The following PTPRG variants were observed in gnomAD, a reference collection of about 807,000 sequenced individuals.
PTPRG encodes the protein receptor-type tyrosine-protein phosphatase gamma.
Under a neutral mutation model 165.3 loss-of-function variants are expected in PTPRG, and 102 were observed. The ratio of observed to expected loss-of-function variants is 0.62; its 90% CI spans 0.53 to 0.73. PTPRG has a LOEUF of 0.73. Among genes scored for constraint, PTPRG ranks in the 30% least tolerant of loss-of-function variants. The pLI, the probability that PTPRG is intolerant of heterozygous loss-of-function variation, is 0.00. For missense variants in PTPRG, 1,866 were observed against 1,861.4 expected (o/e 1.00, Z -0.05); for synonymous variants, 675 against 669.5 (o/e 1.01, Z -0.13).
chr3:62,264,704 C>A (rs1701808529), intron 17 of PTPRG, among the ~76,000 whole-genome samples: 1 of 152,134 alleles, frequency 6.6e-6, no homozygotes, highest in Non-Finnish European at 1.5e-5. Context: ...ATTTGATGGA[C>A]ATTGTTTCTT....
intron 4 of PTPRG, among the ~76,000 whole-genome samples, chr3:62,008,943 T>A (rs2041357384): frequency 6.6e-6 from 1 of 152,196 alleles, no homozygotes. Flanking sequence ...TTGGAGCCCA[T>A]GTGCCATGTA....
intron 4 of PTPRG, among the ~76,000 whole-genome samples, chr3:62,066,748 G>T (rs1427453042): frequency 1.3e-5 from 2 of 152,100 alleles, no homozygotes; most frequent in Admixed American, 1.3e-4. Flanking sequence ...ATGGACAAAA[G>T]TGCTCTCCTG....
chr3:62,069,721 C>CACACAG (rs1701149141), intron 4 of PTPRG, among the ~76,000 whole-genome samples: 1 of 148,702 alleles, frequency 6.7e-6, no homozygotes, highest in African/African-American at 2.5e-5. Context: ...CACACATGCA[C>CACACAG]GCACAGAGTA....
chr3:61,679,532 C>A (rs1197335674), intron 1 of PTPRG, among the ~76,000 whole-genome samples: 1 of 152,118 alleles, frequency 6.6e-6, no homozygotes, highest in Non-Finnish European at 1.5e-5. Flanking sequence ...CGTCTGTAAT[C>A]CCAGCACTTT....
At chr3:61,984,083 T>G (rs2040702353) in intron 2 of PTPRG, among the ~76,000 whole-genome samples, 1 of 152,150 alleles carries the variant, frequency 6.6e-6, no homozygotes, top group Admixed American at 6.5e-5. Flanking sequence ...AACAGACCAG[T>G]TGGAATTAAT....
intron 8 of PTPRG, among the ~76,000 whole-genome samples, chr3:62,187,200 C>A (rs565597467): frequency 6.6e-6 from 1 of 152,226 alleles, no homozygotes; most frequent in Admixed American, 6.5e-5. Context: ...TAATACAACT[C>A]CACGTACTAG....
At chr3:62,067,665 C>G (rs1192219140) in intron 4 of PTPRG, among the ~76,000 whole-genome samples, 3 of 152,144 alleles carry the variant, frequency 2.0e-5, no homozygotes, top group Non-Finnish European at 1.5e-5. Flanking sequence ...GCATTAGATT[C>G]TCATTAGGAG....
At chr3:61,935,479 G>A (rs1355107306) in intron 2 of PTPRG, among the ~76,000 whole-genome samples, 1 of 152,024 alleles carries the variant, frequency 6.6e-6, no homozygotes, top group Admixed American at 6.6e-5. Flanking sequence ...CTTCATGGCA[G>A]GCAGAAGAAA....
intron 2 of PTPRG, among the ~76,000 whole-genome samples, chr3:61,975,261 C>T (rs761740138): frequency 5.9e-5 from 9 of 152,138 alleles, no homozygotes; most frequent in Non-Finnish European, 1.2e-4. Context: ...CCCTCACATG[C>T]CTCATCTATA....
intron 4 of PTPRG, among the ~76,000 whole-genome samples, chr3:62,074,357 T>TTC (rs1559781811): frequency 1.9e-4 from 13 of 70,138 alleles, no homozygotes; most frequent in African/African-American, 6.2e-4. Flanking sequence ...TCTTTCTTTT[T>TTC]TTTTTTTTTT....
In PTPRG at chr3:62,040,701, C is replaced by G. The variant is rs565143264; in HGVS notation, c.519+37204C>G. Among the ~76,000 whole-genome samples, 5 of 152,340 alleles carry G rather than the reference C, an allele frequency of 3.3e-5. No individual in the cohort carries two copies. The East Asian group carries it at 9.6e-4, about 29-fold the overall frequency. On this transcript the variant is annotated intron_variant, in intron 4 of 29. Transcript: ENST00000474889. ...TCATGATCCGTCCGCCTTGGCCTTCCAGAGTGCTTGGATTACAGGTGTGAG... is the reference window on the plus strand; with the variant it reads ...TCATGATCCGTCCGCCTTGGCCTTCGAGAGTGCTTGGATTACAGGTGTGAG...
intron 15 of PTPRG, among the ~76,000 whole-genome samples, chr3:62,253,403 C>T (rs1701465797): frequency 6.6e-6 from 1 of 152,238 alleles, no homozygotes; most frequent in Middle Eastern, 3.4e-3. Flanking sequence ...GTCCTATAGT[C>T]TACATACTAG....
At chr3:61,681,568 A>G (rs999082866) in intron 1 of PTPRG, among the ~76,000 whole-genome samples, 17 of 152,252 alleles carry the variant, frequency 1.1e-4, no homozygotes, top group African/African-American at 3.6e-4. Context: ...TCACCTTGAT[A>G]TATTTCCCAA....
rs145248772 is a variant in PTPRG at position 62,114,328 on chromosome 3, G to A, written c.616-18274G>A. ...AAAAACAAACAAACAAAAAAAAAACGTAGATTTCCTAGGTTAACAAGTATA... is the reference window on the plus strand; with the variant it reads ...AAAAACAAACAAACAAAAAAAAAACATAGATTTCCTAGGTTAACAAGTATA... On this transcript the variant is annotated intron_variant, in intron 5 of 29. Transcript: ENST00000474889. Among the ~76,000 whole-genome samples, 55 of 151,996 alleles carry A rather than the reference G, an allele frequency of 3.6e-4. 1 individual carries two copies. The highest frequency in any genetic ancestry group is 1.9e-3 in the South Asian group (9 of 4,806).
intron 4 of PTPRG, among the ~76,000 whole-genome samples, chr3:62,062,114 A>C (rs1360804228): frequency 1.3e-5 from 2 of 151,836 alleles, no homozygotes; most frequent in African/African-American, 4.8e-5. Flanking sequence ...AGCCTGACCA[A>C]CATGGAGAAA....
At chr3:61,963,895 G>A (rs1434426682) in intron 2 of PTPRG, among the ~76,000 whole-genome samples, 1 of 152,056 alleles carries the variant, frequency 6.6e-6, no homozygotes, top group South Asian at 2.1e-4. Flanking sequence ...GACCTCAGAA[G>A]GCAAGGGTAT....
chr3:61,965,612 C>CTCAT (rs141104812), intron 2 of PTPRG, among the ~76,000 whole-genome samples: 54 of 151,836 alleles, frequency 3.6e-4, no homozygotes, highest in Non-Finnish European at 5.9e-4. Flanking sequence ...TTTGGGTATG[C>CTCAT]TCATTCATTC....
chr3:61,812,307 CATTT>C (rs1201813228), intron 2 of PTPRG, among the ~76,000 whole-genome samples: 1 of 149,716 alleles, frequency 6.7e-6, no homozygotes, highest in Non-Finnish European at 1.5e-5. Flanking sequence ...TTCATTCATT[CATTT>C]TGTCAATCCA....
intron 1 of PTPRG, among the ~76,000 whole-genome samples, chr3:61,567,859 C>T (rs1421804158): frequency 6.7e-6 from 1 of 149,350 alleles, no homozygotes; most frequent in Non-Finnish European, 1.5e-5. Flanking sequence ...TGGTATGCGC[C>T]TGTAGTTCCA....
Sources: allele counts gnomAD v4.1 joint callset (sites outside exome capture counted in the v4.1 genomes callset), GRCh38; gene constraint gnomAD v4.1.1; transcripts MANE v1.5; gene names NCBI Gene and HGNC (gene_info 2026-07-23, HGNC 2026-07-21).